CNTNAP5: variants seen among roughly 807,000 people sequenced by gnomAD.
CNTNAP5 encodes the protein contactin associated protein family member 5, also known as contactin-associated protein-like 5.
A neutral mutation model predicts 150.2 loss-of-function variants in CNTNAP5; 72 were observed. That is an observed-to-expected ratio of 0.48 (90% CI 0.40 to 0.58). CNTNAP5 has a LOEUF of 0.58. Ranked by LOEUF, CNTNAP5 falls within the 20% of genes least tolerant of loss-of-function variation. The probability of loss-of-function intolerance (pLI) is 0.00; values close to 1 mark genes in which losing one functional copy is unlikely to be tolerated. For missense variants in CNTNAP5, 1,636 were observed against 1,626.2 expected (o/e 1.01, Z -0.10); for synonymous variants, 672 against 619.8 (o/e 1.08, Z -1.25).
At chr2:124,313,340 C>T (rs1238774726) in intron 3 of CNTNAP5, among the ~76,000 whole-genome samples, 1 of 152,078 alleles carries the variant, frequency 6.6e-6, no homozygotes, top group Non-Finnish European at 1.5e-5. Context: ...ACAGAAAAGG[C>T]AAAACTTCTA....
chr2:124,360,253 T>C (rs914662189), intron 3 of CNTNAP5, among the ~76,000 whole-genome samples: 3 of 151,674 alleles, frequency 2.0e-5, no homozygotes, highest in Non-Finnish European at 2.9e-5. Context: ...AGCTCTTGAC[T>C]CTTTATCCAA....
chr2:124,721,500 A>C (rs201935547), intron 13 of CNTNAP5, among the ~76,000 whole-genome samples: 10 of 148,158 alleles, frequency 6.7e-5, no homozygotes, highest in South Asian at 4.2e-4. Flanking sequence ...TAAATAAATA[A>C]ATAAATAAAT....
chr2:124,665,733 A>C (rs1388725617), intron 13 of CNTNAP5, among the ~76,000 whole-genome samples: 5 of 152,026 alleles, frequency 3.3e-5, no homozygotes, highest in Non-Finnish European at 5.9e-5. Context: ...AAAAATACAA[A>C]AAATTAGCCG....
intron 19 of CNTNAP5, among the ~76,000 whole-genome samples, chr2:124,815,503 C>G (rs1433242807): frequency 2.6e-5 from 4 of 152,180 alleles, no homozygotes; most frequent in African/African-American, 9.7e-5. Context: ...CTATCGGAAA[C>G]TTATTTCCCC....
At chr2:124,434,036 A>G (rs1180256981) in intron 4 of CNTNAP5, among the ~76,000 whole-genome samples, 1 of 152,192 alleles carries the variant, frequency 6.6e-6, no homozygotes, top group African/African-American at 2.4e-5. Flanking sequence ...CTAGGGAGAC[A>G]GTACTATGTG....
chr2:124,108,636 T>C (rs1683222160), intron 1 of CNTNAP5, among the ~76,000 whole-genome samples: 1 of 152,206 alleles, frequency 6.6e-6, no homozygotes, highest in African/African-American at 2.4e-5. Flanking sequence ...ATGGGAAGCT[T>C]TGAATGTGTT....
intron 2 of CNTNAP5, among the ~76,000 whole-genome samples, chr2:124,231,670 C>A (rs192251076): frequency 1.3e-5 from 2 of 152,038 alleles, no homozygotes; most frequent in Non-Finnish European, 2.9e-5. Context: ...GCCTAATATG[C>A]CTGAGGGAAA....
At chr2:124,694,249 A>G (rs141418781) in intron 13 of CNTNAP5, among the ~76,000 whole-genome samples, 4 of 152,116 alleles carry the variant, frequency 2.6e-5, no homozygotes, top group South Asian at 2.1e-4. Context: ...TTATTTTTAA[A>G]CTCTAGTCAT....
chr2:124,425,541 C>T (rs1692217876), intron 4 of CNTNAP5, among the ~76,000 whole-genome samples: 1 of 152,162 alleles, frequency 6.6e-6, no homozygotes, highest in Non-Finnish European at 1.5e-5. Context: ...CTTTTGCTAA[C>T]CTGTCTATAC....
chr2:124,784,612 G>A (rs953169677), intron 17 of CNTNAP5, among the ~76,000 whole-genome samples: 1 of 152,188 alleles, frequency 6.6e-6, no homozygotes, highest in Admixed American at 6.5e-5. Flanking sequence ...GAGAATAAAT[G>A]CATGCTGGTA....
intron 12 of CNTNAP5, among the ~76,000 whole-genome samples, chr2:124,638,064 A>G (rs537979147): frequency 1.7e-3 from 255 of 151,280 alleles, no homozygotes; most frequent in African/African-American, 5.8e-3. Context: ...GTGTGTGTGC[A>G]TGTGTGTGTG....
intron 10 of CNTNAP5, among the ~76,000 whole-genome samples, chr2:124,549,884 G>A (rs1012046405): frequency 2.0e-5 from 3 of 152,260 alleles, no homozygotes; most frequent in Admixed American, 1.3e-4. Context: ...GAAAGAGCTT[G>A]TAGCATGCAG....
chr2:124,073,921 G>A (rs1342387039), intron 1 of CNTNAP5, among the ~76,000 whole-genome samples: 1 of 152,100 alleles, frequency 6.6e-6, no homozygotes, highest in Non-Finnish European at 1.5e-5. Context: ...CAAGGGCCAA[G>A]ATTTGGAAGC....
intron 13 of CNTNAP5, among the ~76,000 whole-genome samples, chr2:124,712,967 A>C (rs1393171253): frequency 6.6e-6 from 1 of 152,048 alleles, no homozygotes; most frequent in African/African-American, 2.4e-5. Context: ...TGTTCTCAGG[A>C]CCTAATCACC....
chr2:124,891,189 G>C (rs1048413098), intron 21 of CNTNAP5, among the ~76,000 whole-genome samples: 14 of 151,980 alleles, frequency 9.2e-5, no homozygotes, highest in African/African-American at 3.4e-4. Context: ...CTAGTGGCTG[G>C]GATAGTCTGG....
At chr2:124,895,946 A>G (rs906612526) in intron 21 of CNTNAP5, among the ~76,000 whole-genome samples, 1 of 151,542 alleles carries the variant, frequency 6.6e-6, no homozygotes, top group Non-Finnish European at 1.5e-5. Context: ...CACTGTGAAG[A>G]GTCGGTGCAT....
At chr2:124,188,402 A>T (rs1685380392) in intron 1 of CNTNAP5, among the ~76,000 whole-genome samples, 1 of 152,170 alleles carries the variant, frequency 6.6e-6, no homozygotes, top group Non-Finnish European at 1.5e-5. Context: ...TAACAGAAAC[A>T]TCTATTTATA....
At chr2:124,706,746 C>CAGGAAGAAG (rs1679646635) in intron 13 of CNTNAP5, among the ~76,000 whole-genome samples, 1 of 52,202 alleles carries the variant, frequency 1.9e-5, no homozygotes, top group Non-Finnish European at 3.4e-5. Flanking sequence ...GACTCTGTTT[C>CAGGAAGAAG]AAGAAGAAGA....
intron 13 of CNTNAP5, among the ~76,000 whole-genome samples, chr2:124,728,153 G>T (rs570509214): frequency 1.3e-5 from 2 of 152,006 alleles, no homozygotes; most frequent in African/African-American, 4.8e-5. Context: ...CTTGATCATG[G>T]TGTGTAATTC....
Sources: gnomAD v4.1 joint callset for allele counts (sites outside exome capture counted in the v4.1 genomes callset) on GRCh38, gnomAD v4.1.1 for gene constraint, MANE v1.5 for transcripts, NCBI Gene and HGNC (gene_info 2026-07-23, HGNC 2026-07-21) for gene names.